The following OSBPL10 variants were observed in gnomAD, a reference collection of about 807,000 sequenced individuals.
OSBPL10 encodes oxysterol-binding protein-related protein 10.
Under a neutral mutation model 81.7 loss-of-function variants are expected in OSBPL10, and 49 were observed. That is an observed-to-expected ratio of 0.60 (90% CI 0.48 to 0.76). The LOEUF is 0.76. OSBPL10 is among the 30% of genes least tolerant of loss of function. The pLI, the probability that OSBPL10 is intolerant of heterozygous loss-of-function variation, is 0.00. For missense variants in OSBPL10, 923 were observed against 987.8 expected (o/e 0.93, Z 0.88); for synonymous variants, 419 against 383.6 (o/e 1.09, Z -1.08).
chr3:31,876,923 A>G (rs981361103), intron 2 of OSBPL10, among the ~76,000 whole-genome samples: 10 of 69,692 alleles, frequency 1.4e-4, no homozygotes, highest in Admixed American at 4.0e-4. Flanking sequence ...TTTTTTTTTG[A>G]GACGGAGTCT....
intron 5 of OSBPL10, among the ~76,000 whole-genome samples, chr3:31,740,246 A>G (rs1697299206): frequency 6.6e-6 from 1 of 151,850 alleles, no homozygotes; most frequent in African/African-American, 2.4e-5. Flanking sequence ...GTTTCACCAT[A>G]TTGGCCAGGC....
chr3:31,669,421 C>A (rs1242580804), intron 9 of OSBPL10, among the ~76,000 whole-genome samples: 2 of 152,020 alleles, frequency 1.3e-5, no homozygotes, highest in Non-Finnish European at 2.9e-5. Flanking sequence ...TAAATCAGGT[C>A]TATTTTGTAT....
At chr3:32,026,170 C>G (rs934159899) in intron 2 of OSBPL10, among the ~76,000 whole-genome samples, 2 of 151,986 alleles carry the variant, frequency 1.3e-5, no homozygotes, top group African/African-American at 4.8e-5. Context: ...CAGGATCCCA[C>G]TCTGTGCCCC....
intron 1 of OSBPL10, among the ~76,000 whole-genome samples, chr3:31,885,976 C>A (rs1575599361): frequency 2.3e-5 from 2 of 88,700 alleles, no homozygotes; most frequent in South Asian, 4.0e-4. Flanking sequence ...GCCTGGGAAA[C>A]AAGAGCGAAA....
At chr3:31,771,033 T>C (rs1448327246) in intron 4 of OSBPL10, among the ~76,000 whole-genome samples, 2 of 152,128 alleles carry the variant, frequency 1.3e-5, no homozygotes, top group East Asian at 3.9e-4. Context: ...ACCTGTAAAA[T>C]GGGGCTCACA....
chr3:31,971,281 C>T (rs762647399), intron 1 of OSBPL10, among the ~76,000 whole-genome samples: 3 of 151,930 alleles, frequency 2.0e-5, no homozygotes, highest in Non-Finnish European at 4.4e-5. Flanking sequence ...GCTGGGATTA[C>T]GGGCGCATGC....
intron 1 of OSBPL10, among the ~76,000 whole-genome samples, chr3:31,980,681 G>A (rs1698809686): frequency 1.3e-5 from 2 of 152,186 alleles, no homozygotes; most frequent in Non-Finnish European, 2.9e-5. Context: ...CGCCACTGCG[G>A]TGCGGTCCCG....
At chr3:31,890,215 A>T (rs1575601302) in intron 1 of OSBPL10, among the ~76,000 whole-genome samples, 1 of 150,256 alleles carries the variant, frequency 6.7e-6, no homozygotes, top group Admixed American at 6.7e-5. Flanking sequence ...ATTTCTCTCA[A>T]TCATTCATTC....
intron 2 of OSBPL10, among the ~76,000 whole-genome samples, 197 bp from the exon 3 acceptor site, chr3:31,876,709 G>A (rs781127460): frequency 6.1e-4 from 93 of 152,138 alleles, no homozygotes; most frequent in Non-Finnish European, 1.1e-3. Context: ...TGAATCCCAC[G>A]GAAAATCCTC....
chr3:31,748,271 C>A, intron 4 of OSBPL10, 151 bp from the exon 5 acceptor site: 1 of 727,212 alleles, frequency 1.4e-6, no homozygotes, highest in South Asian at 1.8e-5. Flanking sequence ...AATACTCAAT[C>A]CTGGGTGAAA....
chr3:31,869,390 C>T (rs750563546), intron 3 of OSBPL10, among the ~76,000 whole-genome samples: 9 of 152,106 alleles, frequency 5.9e-5, no homozygotes, highest in African/African-American at 1.2e-4. Context: ...TCAAAGTTTA[C>T]GGGAACCCCC....
chr3:31,994,065 T>C (rs1322308691), intron 2 of OSBPL10, among the ~76,000 whole-genome samples: 1 of 152,198 alleles, frequency 6.6e-6, no homozygotes, highest in Non-Finnish European at 1.5e-5. Context: ...AGTAAACTAT[T>C]GTTACATGCA....
intron 1 of OSBPL10, among the ~76,000 whole-genome samples, chr3:32,047,912 G>A (rs952694844): frequency 9.9e-5 from 15 of 152,036 alleles, no homozygotes; most frequent in Non-Finnish European, 1.8e-4. Flanking sequence ...TGATCCACCC[G>A]CCTCGGCCTC....
chr3:31,899,621 G>A (rs1399921956), intron 1 of OSBPL10, among the ~76,000 whole-genome samples: 2 of 152,152 alleles, frequency 1.3e-5, no homozygotes, highest in Admixed American at 1.3e-4. Context: ...CTGGAACCCA[G>A]GAGCTTGAGA....
intron 1 of OSBPL10, among the ~76,000 whole-genome samples, chr3:32,069,686 T>C (rs1575096102): frequency 6.6e-6 from 1 of 152,142 alleles, no homozygotes; most frequent in East Asian, 1.9e-4. Flanking sequence ...CAGGAATTAA[T>C]CAACCTCACC....
intron 1 of OSBPL10, among the ~76,000 whole-genome samples, chr3:31,978,285 A>C (rs1698739098): frequency 6.6e-6 from 1 of 152,220 alleles, no homozygotes; most frequent in Non-Finnish European, 1.5e-5. Context: ...CCCAGAAAGA[A>C]AGGCAGCAGG....
intron 10 of OSBPL10, among the ~76,000 whole-genome samples, 175 bp downstream of exon 10, chr3:31,668,467 G>C (rs1700249279): frequency 6.6e-6 from 1 of 152,164 alleles, no homozygotes; most frequent in South Asian, 2.1e-4. Context: ...AAAGCTGAAA[G>C]GTTCTGCTCC....
chr3:31,845,621 G>T (rs1700609719), intron 3 of OSBPL10, among the ~76,000 whole-genome samples: 1 of 152,112 alleles, frequency 6.6e-6, no homozygotes, highest in Non-Finnish European at 1.5e-5. Context: ...AGTAAGAAGC[G>T]GTTCTGTGTC....
At chr3:31,758,097 C>T (rs749404765) in intron 4 of OSBPL10, among the ~76,000 whole-genome samples, 8 of 152,182 alleles carry the variant, frequency 5.3e-5, no homozygotes, top group Non-Finnish European at 1.2e-4. Flanking sequence ...GTTTACAGTA[C>T]TTTTCCTGGA....
Sources: allele counts gnomAD v4.1 joint callset (sites outside exome capture counted in the v4.1 genomes callset), GRCh38; gene constraint gnomAD v4.1.1; transcripts MANE v1.5; gene names NCBI Gene and HGNC (gene_info 2026-07-23, HGNC 2026-07-21).